The following TLL1 variants were observed in gnomAD, a reference collection of about 807,000 sequenced individuals.
TLL1 encodes tolloid-like protein 1.
Under a neutral mutation model 128.2 loss-of-function variants are expected in TLL1, and 49 were observed. The ratio of observed to expected loss-of-function variants is 0.38; its 90% CI spans 0.30 to 0.48. The LOEUF (loss-of-function observed/expected upper bound fraction) is 0.48, where lower values mean the gene tolerates loss of function less well. Ranked by LOEUF, TLL1 falls within the 20% of genes least tolerant of loss-of-function variation. The pLI, the probability that TLL1 is intolerant of heterozygous loss-of-function variation, is 0.96. For missense variants in TLL1, 1,123 were observed against 1,242.0 expected (o/e 0.90, Z 1.44); for synonymous variants, 454 against 418.8 (o/e 1.08, Z -1.03).
In TLL1 at chr4:166,065,738, T is replaced by C. The variant is rs767262023; in HGVS notation, c.2063T>C (p.Leu688Pro). The C allele has an allele frequency of 6.2e-7, 1 of 1,613,246 alleles. No individual in the cohort carries two copies. Among genetic ancestry groups the C allele is most frequent in the African/African-American group, 1.3e-5 (1 of 74,980 alleles). Reference protein sequence around the residue: ...IWSGLSSESKLHGKFCGAEVP... With the variant: ...IWSGLSSESKPHGKFCGAEVP... ...AGTGGTCTTTCCTCTGAGTCTAAAC[T>C]GCATGGCAAATTCTGTGGCGCTGAA... The change falls in exon 16 of 21, where the codon CTG becomes CCG. Residue 688 changes from leucine to proline, a missense_variant. Physicochemically the swap from Leu to Pro is moderately conservative, Grantham distance 98. Around this residue, in one of 3 missense-constraint regions of TLL1, gnomAD observed 634 missense variants for 672.4 expected, o/e 0.94. Transcript: ENST00000061240.
intron 1 of TLL1, among the ~76,000 whole-genome samples, chr4:165,925,578 T>A (rs946937240): frequency 1.3e-5 from 2 of 152,250 alleles, no homozygotes; most frequent in African/African-American, 4.8e-5. Context: ...CAGGTGAAGA[T>A]GCTTTGAGCA....
intron 18 of TLL1, among the ~76,000 whole-genome samples, chr4:166,081,598 T>C (rs1241210790): frequency 6.6e-6 from 1 of 152,180 alleles, no homozygotes; most frequent in Non-Finnish European, 1.5e-5. Flanking sequence ...TTTATCAGAA[T>C]GCTTTTCACC....
rs146874138 is a variant in TLL1 at position 166,016,178 on chromosome 4, G to A, written c.1042+1618G>A. ...ATGTATGTAAGATACACATGTATAT[G>A]TGGTATATTTTTTAAAATCAAATTT... On this transcript the variant is annotated intron_variant, in intron 8 of 20. Coordinates refer to ENST00000061240, the MANE Select transcript of TLL1 (RefSeq NM_012464.5). 8.1e-3 allele frequency among the ~76,000 whole-genome samples: 1,231 copies of A among 152,010 alleles called. 17 individuals carry two copies. Among genetic ancestry groups the A allele is most frequent in the African/African-American group, 0.027 (1,119 of 41,494 alleles).
intron 8 of TLL1, among the ~76,000 whole-genome samples, chr4:166,023,880 G>A (rs981342061): frequency 1.3e-5 from 2 of 151,338 alleles, no homozygotes; most frequent in Admixed American, 1.3e-4. Context: ...AATTATTACA[G>A]AATTTATTTT....
chr4:165,876,878 T>G (rs1053800289), intron 1 of TLL1, among the ~76,000 whole-genome samples: 1 of 152,206 alleles, frequency 6.6e-6, no homozygotes, highest in African/African-American at 2.4e-5. Flanking sequence ...CTGATATAGG[T>G]GAAGCGAAGA....
intron 1 of TLL1, among the ~76,000 whole-genome samples, chr4:165,977,944 T>A (rs1013273015): frequency 2.6e-5 from 4 of 152,178 alleles, no homozygotes; most frequent in Admixed American, 2.6e-4. Context: ...ATCCTCTAAT[T>A]GTATTTTTAG....
intron 1 of TLL1, among the ~76,000 whole-genome samples, chr4:165,936,831 G>A (rs1325778575): frequency 1.3e-5 from 2 of 152,108 alleles, no homozygotes; most frequent in South Asian, 2.1e-4. Context: ...TACTCGGGAG[G>A]CTGAAGCAGG....
chr4:165,883,665 A>G (rs1731054137), intron 1 of TLL1, among the ~76,000 whole-genome samples: 1 of 152,224 alleles, frequency 6.6e-6, no homozygotes, highest in Non-Finnish European at 1.5e-5. Context: ...TTTAATCACA[A>G]CTACTTATTT....
intron 17 of TLL1, 37 bp downstream of exon 17, chr4:166,075,040 G>T: frequency 6.2e-7 from 1 of 1,609,872 alleles, no homozygotes; most frequent in Non-Finnish European, 8.5e-7. Context: ...ACAACATGTA[G>T]AATTTCATGT....
At chr4:165,891,659 C>G (rs1454345671) in intron 1 of TLL1, among the ~76,000 whole-genome samples, 2 of 152,188 alleles carry the variant, frequency 1.3e-5, no homozygotes, top group African/African-American at 2.4e-5. Context: ...CTGAGATCAA[C>G]TCAGCCTGGA....
chr4:165,895,704 T>G (rs1430574387), intron 1 of TLL1, among the ~76,000 whole-genome samples: 1 of 130,268 alleles, frequency 7.7e-6, no homozygotes, highest in Non-Finnish European at 1.6e-5. Context: ...GCAAGGAACC[T>G]AGGATAGGCA....
At chr4:165,886,203 T>G (rs541421625) in intron 1 of TLL1, among the ~76,000 whole-genome samples, 1 of 152,246 alleles carries the variant, frequency 6.6e-6, no homozygotes, top group Admixed American at 6.5e-5. Context: ...GTAGGAGACT[T>G]AGGTGCAAGT....
chr4:166,004,680 CT>C (rs1192183300), intron 6 of TLL1, among the ~76,000 whole-genome samples: 5 of 152,040 alleles, frequency 3.3e-5, no homozygotes, highest in Admixed American at 1.3e-4. Flanking sequence ...GCGAAAAGGA[CT>C]TCATGAGCAA....
At chr4:166,011,250 A>G (rs1413989461) in intron 7 of TLL1, among the ~76,000 whole-genome samples, 1 of 151,472 alleles carries the variant, frequency 6.6e-6, no homozygotes, top group Non-Finnish European at 1.5e-5. Flanking sequence ...CTTTGGATGT[A>G]TTAACATCTT....
intron 1 of TLL1, among the ~76,000 whole-genome samples, chr4:165,879,798 T>A (rs541631429): frequency 6.6e-6 from 1 of 152,130 alleles, no homozygotes; most frequent in African/African-American, 2.4e-5. Context: ...CTGCAGCATC[T>A]TGAGCTCAGA....
In TLL1 at chr4:165,994,423, A is replaced by G. The variant is rs758290238; in HGVS notation, c.404A>G (p.Gln135Arg). ...NNTVKGKVPL[Q>R]FSGQNEKNRV... ...ACAGTTAAGGGAAAAGTACCTCTAC[A>G]ATTCTCAGGGCAAAATGAGAAAAAT... The change falls in exon 4 of 21, where the codon CAA (glutamine) becomes CGA (arginine). Residue 135 changes from glutamine (Q) to arginine (R), a missense_variant. Gln to Arg is a conservative substitution (Grantham distance 43). Around this residue, in one of 3 missense-constraint regions of TLL1, gnomAD observed 480 missense variants for 542.4 expected, o/e 0.89. Transcript: ENST00000061240. 6.2e-7 allele frequency: 1 copy of G among 1,613,954 alleles called. No homozygotes were observed. Among genetic ancestry groups the G allele is most frequent in the Admixed American group, 1.7e-5 (1 of 59,986 alleles).
chr4:165,902,230 G>T lies in TLL1; in HGVS notation c.169+28157G>T, dbSNP rs574425201. On this transcript the variant is annotated intron_variant, in intron 1 of 20. Coordinates refer to ENST00000061240, the MANE Select transcript of TLL1 (RefSeq NM_012464.5). ...TAGACCACTTGGGTCCCTGGCTTCA[G>T]CCCCCTTTCCAGGGGAGTGAACAGT... Among the ~76,000 whole-genome samples the T allele has an allele frequency of 3.1e-3, 464 of 152,036 alleles. 3 individuals are homozygous for T. Among genetic ancestry groups the T allele is most frequent in the Non-Finnish European group, 5.3e-3 (360 of 67,992 alleles).
intron 1 of TLL1, among the ~76,000 whole-genome samples, chr4:165,952,783 A>G (rs183509788): frequency 2.2e-4 from 34 of 152,226 alleles, no homozygotes; most frequent in South Asian, 8.3e-4. Context: ...GGGGTAATCA[A>G]TGTTTTCAAA....
chr4:166,099,628 A>C, intron 20 of TLL1, 101 bp downstream of exon 20: 1 of 633,018 alleles, frequency 1.6e-6, no homozygotes, highest in Non-Finnish European at 2.1e-6. Context: ...GCTTTTTGCA[A>C]AAAAAAAAAA....
Sources: gnomAD v4.1 joint callset for allele counts (sites outside exome capture counted in the v4.1 genomes callset) on GRCh38, gnomAD v4.1.1 for gene constraint, gnomAD v4.1.1 regional missense constraint, MANE v1.5 for transcripts, NCBI Gene and HGNC (gene_info 2026-07-23, HGNC 2026-07-21) for gene names.